The following KHDRBS2 variants were observed in gnomAD, a reference collection of about 807,000 sequenced individuals.
KHDRBS2 encodes KH RNA binding domain containing, signal transduction associated 2.
KHDRBS2 carries 26 observed loss-of-function variants against 44.3 expected under a neutral mutation model. That is an observed-to-expected ratio of 0.59 (90% confidence interval 0.43 to 0.81). The LOEUF (loss-of-function observed/expected upper bound fraction) is 0.81. KHDRBS2 is among the 40% of genes least tolerant of loss of function. The probability of loss-of-function intolerance (pLI) is 0.00; values close to 1 mark genes in which losing one functional copy is unlikely to be tolerated. For synonymous variants in KHDRBS2, 194 were observed against 151.1 expected, an observed-to-expected ratio of 1.28 and a Z score of -2.08; for missense variants, 476 against 433.1, an observed-to-expected ratio of 1.10 and a Z score of -0.88.
At chr6:61,640,043 T>C in the KHDRBS2 span, among the ~76,000 whole-genome samples, 6 of 152,050 alleles carry the variant, frequency 3.9e-5, no homozygotes, top group Non-Finnish European at 8.8e-5. Context: ...GTGAAATGCG[T>C]AATGGATGAT....
chr6:62,061,732 T>C (rs1156716137), intron 2 of KHDRBS2, among the ~76,000 whole-genome samples: 1 of 150,550 alleles, frequency 6.6e-6, no homozygotes, highest in African/African-American at 2.4e-5. Context: ...CCTTGCTAGA[T>C]TGGGGAAGTT....
intron 2 of KHDRBS2, among the ~76,000 whole-genome samples, chr6:62,061,144 C>A (rs962287007): frequency 6.6e-6 from 1 of 151,756 alleles, no homozygotes; most frequent in African/African-American, 2.4e-5. Flanking sequence ...CAGTCTGTGT[C>A]TTTTAATTGG....
chr6:61,754,782 C>A (rs1778246352), intron 6 of KHDRBS2, among the ~76,000 whole-genome samples: 1 of 151,920 alleles, frequency 6.6e-6, no homozygotes, highest in Admixed American at 6.6e-5. Flanking sequence ...AAATCAATAA[C>A]CAAGATGCAT....
Position 61,773,701 on chromosome 6 carries a change from G to C in KHDRBS2, c.811-40937C>G, listed in dbSNP as rs992326702. On this transcript the variant is annotated intron_variant, in intron 6 of 8. Coordinates refer to ENST00000281156, the MANE Select transcript of KHDRBS2 (RefSeq NM_152688.4). Reference sequence around the variant, plus strand: ...TGTTGCCATTGCTTTTGGTGTTGTAGACATGAAGTCCTTGCCCATGCCTAT... The same window carrying C: ...TGTTGCCATTGCTTTTGGTGTTGTACACATGAAGTCCTTGCCCATGCCTAT... Among the ~76,000 whole-genome samples, 117 of 151,808 alleles carry C rather than the reference G, an allele frequency of 7.7e-4. 1 individual carries two copies. The highest frequency in any genetic ancestry group is 8.7e-4 in the Non-Finnish European group (59 of 67,978).
chr6:61,753,572 A>G lies in KHDRBS2; in HGVS notation c.811-20808T>C, dbSNP rs1329359134. ...GATCTTTTGTGGATCTTTTGCTCAT[A>G]TGTGTGTAGTGTTCGAATTTTTATT... is the stretch of plus-strand genomic sequence containing the variant. On this transcript the variant is annotated intron_variant, in intron 6 of 8. Coordinates refer to ENST00000281156, the MANE Select transcript of KHDRBS2 (RefSeq NM_152688.4). Among the ~76,000 whole-genome samples, 5 of 152,212 alleles carry G rather than the reference A, an allele frequency of 3.3e-5. No homozygotes were observed. In the East Asian group the frequency reaches 9.7e-4, roughly 29 times the overall value.
intron 6 of KHDRBS2, among the ~76,000 whole-genome samples, chr6:61,760,860 C>T (rs546205138): frequency 6.6e-6 from 1 of 152,254 alleles, no homozygotes; most frequent in African/African-American, 2.4e-5. Flanking sequence ...TATTCAATGA[C>T]ACATTTGGAA....
At chr6:61,898,338 G>A (rs550856048) in intron 5 of KHDRBS2, among the ~76,000 whole-genome samples, 2 of 151,818 alleles carry the variant, frequency 1.3e-5, no homozygotes, top group East Asian at 3.9e-4. Flanking sequence ...ATAGTATCGA[G>A]CACTTACTAA....
chr6:61,787,361 T>C (rs1783976333), intron 6 of KHDRBS2, among the ~76,000 whole-genome samples: 1 of 151,736 alleles, frequency 6.6e-6, no homozygotes, highest in Admixed American at 6.6e-5. Context: ...ATGACTTCAC[T>C]ATGATCACAG....
At chr6:61,874,409 G>A (rs1490497779) in intron 6 of KHDRBS2, among the ~76,000 whole-genome samples, 11 of 152,094 alleles carry the variant, frequency 7.2e-5, no homozygotes, top group Non-Finnish European at 1.3e-4. Flanking sequence ...AGTCTCTAAC[G>A]TGTATCAGGA....
chr6:61,789,640 G>A (rs1041223430), intron 6 of KHDRBS2, among the ~76,000 whole-genome samples: 1 of 151,318 alleles, frequency 6.6e-6, no homozygotes, highest in South Asian at 2.1e-4. Flanking sequence ...CAGGCTTTGG[G>A]GTGGCTCTTA....
Position 62,077,504 on chromosome 6 carries a change from T to C in KHDRBS2, c.220-29510A>G, listed in dbSNP as rs1796577978. 3.9e-5 allele frequency among the ~76,000 whole-genome samples: 6 copies of C among 152,068 alleles called. No homozygotes were observed. The South Asian group carries it at 1.2e-3, about 31-fold the overall frequency. On this transcript the variant is annotated intron_variant, in intron 2 of 8. Coordinates refer to ENST00000281156, the MANE Select transcript of KHDRBS2 (RefSeq NM_152688.4). ...TGTGATGACTTCTTTATCTGGGATC[T>C]TGAATGAGGCAATTTTCCAAGGTCT...
the KHDRBS2 span, among the ~76,000 whole-genome samples, chr6:61,620,460 C>T: frequency 3.3e-5 from 5 of 152,316 alleles, no homozygotes; most frequent in East Asian, 9.7e-4. Flanking sequence ...AGCATGGCTT[C>T]TGGATCCAGA....
At chr6:62,101,676 G>T (rs181156079) in intron 2 of KHDRBS2, among the ~76,000 whole-genome samples, 96 of 152,264 alleles carry the variant, frequency 6.3e-4, no homozygotes, top group African/African-American at 2.2e-3. Flanking sequence ...AGATGTTTTG[G>T]TCTAAACAAA....
intron 6 of KHDRBS2, among the ~76,000 whole-genome samples, chr6:61,736,923 TTCTGAAAAGCAAGGAC>T (rs1775451642): frequency 1.3e-5 from 2 of 152,114 alleles, no homozygotes; most frequent in South Asian, 4.1e-4. Context: ...GAATTTAAGT[TTCTGAAAAGCAAGGAC>T]TATATCATAG....
At chr6:61,743,864 G>A (rs560922867) in intron 6 of KHDRBS2, among the ~76,000 whole-genome samples, 5 of 145,340 alleles carry the variant, frequency 3.4e-5, no homozygotes, top group African/African-American at 1.3e-4. Flanking sequence ...CCACCTATGA[G>A]TGAGAACATG....
chr6:61,665,909 T>C, the KHDRBS2 span, among the ~76,000 whole-genome samples: 1 of 150,906 alleles, frequency 6.6e-6, no homozygotes. Context: ...ATTTTATACA[T>C]TGAAAATAAT....
the KHDRBS2 span, among the ~76,000 whole-genome samples, chr6:61,626,406 T>C: frequency 2.6e-5 from 4 of 152,162 alleles, no homozygotes; most frequent in African/African-American, 9.7e-5. Context: ...AATGAGAACA[T>C]GCCAAATAGG....
intron 2 of KHDRBS2, among the ~76,000 whole-genome samples, chr6:62,080,909 C>T (rs947605625): frequency 2.0e-5 from 3 of 152,116 alleles, no homozygotes; most frequent in Non-Finnish European, 4.4e-5. Context: ...TCCCTTATGG[C>T]AGCCTTCTTC....
the KHDRBS2 span, among the ~76,000 whole-genome samples, chr6:61,603,827 C>T: frequency 6.6e-6 from 1 of 152,120 alleles, no homozygotes; most frequent in African/African-American, 2.4e-5. Flanking sequence ...TTCCAGATAC[C>T]ACACCTGACC....
Sources: gnomAD v4.1 joint callset for allele counts (sites outside exome capture counted in the v4.1 genomes callset) on GRCh38, gnomAD v4.1.1 for gene constraint, MANE v1.5 for transcripts, NCBI Gene and HGNC (gene_info 2026-07-23, HGNC 2026-07-21) for gene names.